CADPS2: variants seen among roughly 807,000 people sequenced by gnomAD.
CADPS2 encodes calcium-dependent secretion activator 2.
In CADPS2, 93 loss-of-function variants were observed where a neutral mutation model predicts 172.5. The observed-to-expected ratio is 0.54, with a 90% CI of 0.46 to 0.64. The LOEUF is 0.64. Among genes scored for constraint, CADPS2 ranks in the 30% least tolerant of loss-of-function variants. The probability of loss-of-function intolerance (pLI) is 0.00; values close to 1 mark genes in which losing one functional copy is unlikely to be tolerated. For synonymous variants in CADPS2, 546 were observed against 555.2 expected (o/e 0.98, Z 0.23); for missense variants, 1,420 against 1,565.9 (o/e 0.91, Z 1.57).
intron 8 of CADPS2, among the ~76,000 whole-genome samples, chr7:122,527,596 G>GAA (rs2061347714): frequency 8.6e-6 from 1 of 115,994 alleles, no homozygotes; most frequent in Non-Finnish European, 1.9e-5. Context: ...GAGAGAGAGA[G>GAA]AGAGAGAGAG....
At chr7:122,755,284 T>C (rs1473971977) in intron 1 of CADPS2, among the ~76,000 whole-genome samples, 1 of 152,196 alleles carries the variant, frequency 6.6e-6, no homozygotes, top group African/African-American at 2.4e-5. Flanking sequence ...AATAAATTCA[T>C]CTTAAACTTA....
At chr7:122,733,757 G>A (rs2091894250) in intron 2 of CADPS2, among the ~76,000 whole-genome samples, 1 of 151,898 alleles carries the variant, frequency 6.6e-6, no homozygotes, top group Non-Finnish European at 1.5e-5. Context: ...TGCTTGTGTT[G>A]ACCAATGAGA....
rs78996821 is a variant in CADPS2 at position 122,506,428 on chromosome 7, A to G, written c.1542+6821T>C. Among the ~76,000 whole-genome samples the G allele has an allele frequency of 7.3e-4, 111 of 152,284 alleles. 1 individual carries two copies. In the East Asian group the frequency reaches 0.02, roughly 27 times the overall value. ...TCAGGTTTCAGCATCACTGCTTTTG[A>G]TAGGGCACCTAAGTTGCTGTAGTAC... On this transcript the variant is annotated intron_variant, in intron 9 of 29. Coordinates refer to ENST00000449022, the MANE Select transcript of CADPS2 (RefSeq NM_017954.11).
intron 25 of CADPS2, among the ~76,000 whole-genome samples, chr7:122,372,344 C>T (rs1197846824): frequency 1.3e-5 from 2 of 152,106 alleles, no homozygotes; most frequent in Admixed American, 6.5e-5. Context: ...ATGATGGTGG[C>T]CCAAGAAGTA....
In CADPS2 at chr7:122,631,687, GTCTTT is replaced by G. The variant is rs554406132; in HGVS notation, c.787-2364_787-2360del. Among the ~76,000 whole-genome samples the G allele has an allele frequency of 4.6e-3, 553 of 120,808 alleles. 3 individuals carry two copies. Among genetic ancestry groups the G allele is most frequent in the Non-Finnish European group, 6.7e-3 (382 of 57,250 alleles). 79.3% of individuals were successfully genotyped at this position (120,808 alleles called of 152,430 possible). A position where few individuals can be genotyped will look rare whatever the true frequency, so the allele number is the denominator to read the frequency against. ...ATGTAGAGCACTGGGACACTACATTGTCTTTTCTTTTTTTTTTAATTTCAGATTTG... is the reference window on the plus strand; with the variant it reads ...ATGTAGAGCACTGGGACACTACATTGTCTTTTTTTTTTAATTTCAGATTTG... On this transcript the variant is annotated intron_variant, in intron 3 of 29. Coordinates refer to ENST00000449022, the MANE Select transcript of CADPS2 (RefSeq NM_017954.11).
intron 2 of CADPS2, among the ~76,000 whole-genome samples, chr7:122,670,427 CA>C (rs2081689970): frequency 6.6e-6 from 1 of 151,886 alleles, no homozygotes; most frequent in South Asian, 2.1e-4. Context: ...AAAAATTAGC[CA>C]GGGGTGGTGA....
At chr7:122,691,833 C>T (rs1202773105) in intron 2 of CADPS2, among the ~76,000 whole-genome samples, 1 of 152,182 alleles carries the variant, frequency 6.6e-6, no homozygotes, top group East Asian at 1.9e-4. Context: ...CATCCACCCC[C>T]AGAATGTCTC....
intron 2 of CADPS2, among the ~76,000 whole-genome samples, chr7:122,728,026 G>C (rs10259973): frequency 3.3e-5 from 5 of 151,700 alleles, no homozygotes; most frequent in Non-Finnish European, 5.9e-5. Flanking sequence ...TTTACTTAGC[G>C]ATCAACAACT....
At chr7:122,873,328 C>A (rs1391575143) in intron 1 of CADPS2, among the ~76,000 whole-genome samples, 2 of 152,132 alleles carry the variant, frequency 1.3e-5, no homozygotes, top group Admixed American at 1.3e-4. Context: ...CTCTAGCCCC[C>A]CAACCCAATA....
intron 3 of CADPS2, among the ~76,000 whole-genome samples, chr7:122,654,355 C>A (rs896157652): frequency 1.3e-5 from 2 of 152,192 alleles, no homozygotes; most frequent in Non-Finnish European, 2.9e-5. Context: ...CTAGGGTTTT[C>A]ATAGCTACTG....
At chr7:122,875,202 G>T (rs995879236) in intron 1 of CADPS2, among the ~76,000 whole-genome samples, 1 of 152,166 alleles carries the variant, frequency 6.6e-6, no homozygotes, top group Non-Finnish European at 1.5e-5. Context: ...ATGAGTGTAG[G>T]TGTATACGTA....
At chr7:122,774,361 T>C (rs1239323149) in intron 1 of CADPS2, among the ~76,000 whole-genome samples, 1 of 151,888 alleles carries the variant, frequency 6.6e-6, no homozygotes, top group East Asian at 1.9e-4. Context: ...CAATTTACTT[T>C]CTTTAAAATG....
chr7:122,500,755 G>A (rs1319680356), intron 9 of CADPS2, among the ~76,000 whole-genome samples: 1 of 152,084 alleles, frequency 6.6e-6, no homozygotes, highest in Non-Finnish European at 1.5e-5. Flanking sequence ...ACTAATTAGG[G>A]AGTTATTATT....
chr7:122,729,676 GTTTT>G (rs56993717), intron 2 of CADPS2, among the ~76,000 whole-genome samples: 2 of 94,226 alleles, frequency 2.1e-5, no homozygotes, highest in Non-Finnish European at 2.1e-5. Context: ...ATTTTTAACG[GTTTT>G]TTTTTTTTTT....
intron 1 of CADPS2, among the ~76,000 whole-genome samples, chr7:122,868,510 G>A (rs1277459566): frequency 4.6e-5 from 7 of 152,042 alleles, no homozygotes; most frequent in Admixed American, 1.3e-4. Flanking sequence ...AATTTCCTAG[G>A]AGCCACTAAG....
intron 2 of CADPS2, among the ~76,000 whole-genome samples, chr7:122,715,194 C>T (rs968475812): frequency 6.6e-6 from 1 of 152,120 alleles, no homozygotes; most frequent in African/African-American, 2.4e-5. Context: ...CCCTTATTCA[C>T]ATTGTTCAGG....
intron 14 of CADPS2, 123 bp downstream of exon 14, chr7:122,471,252 T>C: frequency 1.5e-6 from 1 of 662,268 alleles, no homozygotes. Flanking sequence ...TTTTTTTTTT[T>C]TTCCTTGTAA....
At chr7:122,475,539 T>G (rs2056532737) in intron 12 of CADPS2, among the ~76,000 whole-genome samples, 1 of 152,310 alleles carries the variant, frequency 6.6e-6, no homozygotes, top group South Asian at 2.1e-4. Flanking sequence ...AGACAAAAGT[T>G]TATTGATTAA....
Position 122,739,321 on chromosome 7 carries a change from A to C in CADPS2, c.340-2253T>G, listed in dbSNP as rs561881210. Among the ~76,000 whole-genome samples, 3 of 152,228 alleles carry C rather than the reference A, an allele frequency of 2.0e-5. No homozygotes were observed. The Middle Eastern group carries it at 0.01, about 518-fold the overall frequency. Reference sequence around the variant, plus strand: ...TAAATAAAATACATACTCTTCAAAAACTAGAAACTGTGTATTTTTTCATTC... The same window carrying C: ...TAAATAAAATACATACTCTTCAAAACCTAGAAACTGTGTATTTTTTCATTC... On this transcript the variant is annotated intron_variant, in intron 1 of 29. Transcript: ENST00000449022.
Sources: allele counts gnomAD v4.1 joint callset (sites outside exome capture counted in the v4.1 genomes callset), GRCh38; gene constraint gnomAD v4.1.1; transcripts MANE v1.5; gene names NCBI Gene and HGNC (gene_info 2026-07-23, HGNC 2026-07-21).